The following RPL28 variants were observed in gnomAD, a reference collection of about 807,000 sequenced individuals.
RPL28 encodes the protein large ribosomal subunit protein eL28.
Under a neutral mutation model 12.5 loss-of-function variants are expected in RPL28, and 4 were observed. That is an observed-to-expected ratio of 0.32 (90% CI 0.16 to 0.73). The LOEUF is 0.73. Ranked by LOEUF, RPL28 falls within the 30% of genes least tolerant of loss-of-function variation. RPL28 has a pLI of 0.66. For missense variants in RPL28, 214 were observed against 197.7 expected (o/e 1.08, Z -0.49); for synonymous variants, 91 against 72.5 (o/e 1.26, Z -1.30).
At chr19:55,394,010 C>A (rs960555234), downstream of RPL28, among the ~76,000 whole-genome samples, 2 of 151,358 alleles carry the variant, frequency 1.3e-5, no homozygotes, top group Non-Finnish European at 2.9e-5. Context: ...CTCCTGTAAT[C>A]CCAGCACTTT....
Position 55,388,387 on chromosome 19 carries a change from G to A in RPL28, c.*55G>A. On this transcript the variant is annotated 3_prime_UTR_variant, in exon 5 of 5. Transcript: ENST00000344063. ...CTGGCTTTCTCACCTGCCTCGACTG[G>A]GCCTCCCTTTTTGAAACGCTCTGGG... The A allele has an allele frequency of 7.0e-7, 1 of 1,430,166 alleles. No individual in the cohort carries two copies. Among genetic ancestry groups the A allele is most frequent in the East Asian group, 2.7e-5 (1 of 37,360 alleles). 88.6% of individuals were successfully genotyped at this position (1,430,166 alleles called of 1,614,324 possible).
chr19:55,389,367 A>G lies in RPL28; in HGVS notation c.*1035A>G, dbSNP rs1317344068. 3.0e-6 allele frequency: 3 copies of G among 984,972 alleles called. No individual in the cohort carries two copies. The highest frequency in any genetic ancestry group is 4.7e-5 in the South Asian group (1 of 21,276). 61.0% of individuals were successfully genotyped at this position (984,972 alleles called of 1,614,324 possible). ...CACCATGACACACAGTGAGGCCTGG[A>G]TGGGGAAAGAGTCCTGCTGTTGATC... On this transcript the variant is annotated 3_prime_UTR_variant, in exon 5 of 5. Coordinates refer to ENST00000344063, the MANE Select transcript of RPL28 (RefSeq NM_000991.5).
chr19:55,395,703 A>G (rs1019538929), downstream of RPL28, among the ~76,000 whole-genome samples: 1 of 151,888 alleles, frequency 6.6e-6, no homozygotes, highest in Non-Finnish European at 1.5e-5. Flanking sequence ...TTGGCCTCCC[A>G]AAGTGCTGGG....
At position 55,402,928 on chromosome 19, in the gene RPL28, T is replaced by G. The variant is rs748675559; in HGVS notation, c.325-15T>G. The G allele has an allele frequency of 9.0e-6, 6 of 665,280 alleles. No individual in the cohort carries two copies. The South Asian group carries it at 9.4e-5, about 10-fold the overall frequency. The allele number at this position is 665,280 out of a possible 1,614,324, so 41.2% of individuals were successfully genotyped here. Reference sequence around the variant, plus strand: ...GGGACTCATTAGAAATTTGGTTAACTTTTTTTTTTTTCAGCTTGCGGGAAG... The same window carrying G: ...GGGACTCATTAGAAATTTGGTTAACGTTTTTTTTTTTCAGCTTGCGGGAAG... On this transcript the variant is annotated splice_polypyrimidine_tract_variant and intron_variant, in intron 4 of 4. Transcript: ENST00000560055.
Position 55,386,708 on chromosome 19 carries a change from G to GTTTGGGCCAGAGAGCGGCCCC in RPL28, c.205+19_205+39dup, listed in dbSNP as rs1569040021. 6.2e-7 allele frequency: 1 copy of GTTTGGGCCAGAGAGCGGCCCC among 1,614,022 alleles called. No individual in the cohort carries two copies. The highest frequency in any genetic ancestry group is 1.1e-5 in the South Asian group (1 of 91,078). On this transcript the variant is annotated intron_variant, in intron 3 of 4. Coordinates refer to ENST00000344063, the MANE Select transcript of RPL28 (RefSeq NM_000991.5). ...GCGGAGATCCGGTGAGTTTTGTCTG[G>GTTTGGGCCAGAGAGCGGCCCC]TTTGGGCCAGAGAGCGGCCCCTTTC...
rs748955099 is a variant in RPL28 at position 55,388,044 on chromosome 19, G to A, written c.320G>A (p.Arg107His). ...AAGAACAAGTACCGCCCCGACCTGC[G>A]CATGGTGAGCTGGGGTTTGGGGATC... ...IRKNKYRPDL[R>H]MAAIRRASAI... is the part of the protein sequence containing the mutation. The change falls in exon 4 of 5, where the codon CGC becomes CAC. Residue 107 changes from arginine (R) to histidine (H), a missense_variant. Physicochemically the swap from Arg to His is conservative, Grantham distance 29. Coordinates refer to ENST00000344063, the MANE Select transcript of RPL28 (RefSeq NM_000991.5). 5 of 1,613,688 alleles carry A rather than the reference G, an allele frequency of 3.1e-6. No homozygotes were observed. The highest frequency in any genetic ancestry group is 1.3e-5 in the African/African-American group (1 of 74,914).
chr19:55,388,747 TC>T lies in RPL28; in HGVS notation c.*418del, dbSNP rs1033356022. 3 of 1,013,206 alleles carry T rather than the reference TC, an allele frequency of 3.0e-6. No individual in the cohort carries two copies. The highest frequency in any genetic ancestry group is 3.5e-6 in the Non-Finnish European group (3 of 848,898). The allele number at this position is 1,013,206 out of a possible 1,614,324, so 62.8% of individuals were successfully genotyped here. A position where few individuals can be genotyped will look rare whatever the true frequency, so the allele number is the denominator to read the frequency against. On this transcript the variant is annotated 3_prime_UTR_variant, in exon 5 of 5. Coordinates refer to ENST00000344063, the MANE Select transcript of RPL28 (RefSeq NM_000991.5). ...AGCACGGTTTGGGGACTTGGGGTGTTCCCAAGACCTGGGGGACGACAGACAT... is the reference window on the plus strand; with the variant it reads ...AGCACGGTTTGGGGACTTGGGGTGTTCCAAGACCTGGGGGACGACAGACAT...
Position 55,387,278 on chromosome 19 carries a change from T to G in RPL28, c.205+585T>G, listed in dbSNP as rs2089940894. On this transcript the variant is annotated intron_variant, in intron 3 of 4. Coordinates refer to ENST00000344063, the MANE Select transcript of RPL28 (RefSeq NM_000991.5). ...GTGTTCTTGACAGGGCTGTATTTTC[T>G]TTTTAGAGTGAGTTTTTCTCAGGTC... 1.9e-6 allele frequency: 3 copies of G among 1,551,566 alleles called. No individual in the cohort carries two copies. The African/African-American group carries it at 4.1e-5, about 21-fold the overall frequency.
chr19:55,401,206 C>G, intron 4 of RPL28: 1 of 593,680 alleles, frequency 1.7e-6, no homozygotes, highest in Non-Finnish European at 3.0e-6. Context: ...GGACCCAGGG[C>G]CTGTGCAGGG....
chr19:55,386,644 G>T lies in RPL28; in HGVS notation c.156G>T (p.Glu52Asp). Reference protein sequence around the residue: ...GLIHRKTVGVEPAADGKGVVV... With the variant: ...GLIHRKTVGVDPAADGKGVVV... ...TTCACCGCAAGACTGTGGGCGTGGA[G>T]CCGGCAGCCGACGGCAAAGGTGTCG... The change falls in exon 3 of 5, where the codon GAG becomes GAT. Residue 52 changes from glutamate (E) to aspartate (D), a missense_variant. Physicochemically the swap from Glu to Asp is conservative, Grantham distance 45. Coordinates refer to ENST00000344063, the MANE Select transcript of RPL28 (RefSeq NM_000991.5). 1 of 1,614,152 alleles carries T rather than the reference G, an allele frequency of 6.2e-7. No homozygotes were observed. The highest frequency in any genetic ancestry group is 8.5e-7 in the Non-Finnish European group (1 of 1,180,018).
chr19:55,394,257 G>A (rs1014091641), downstream of RPL28, among the ~76,000 whole-genome samples: 4 of 152,096 alleles, frequency 2.6e-5, no homozygotes, highest in South Asian at 2.1e-4. Flanking sequence ...GCGAGACTCC[G>A]TCTCAAAAAC....
intron 1 of RPL28, 91 bp from the exon 2 acceptor site, chr19:55,386,259 T>C (rs2089923235): frequency 8.2e-7 from 1 of 1,220,888 alleles, no homozygotes; most frequent in Non-Finnish European, 1.2e-6. Flanking sequence ...TCCCAGTCGC[T>C]CTCTTCCTCT....
rs774805963 is a variant in RPL28, at chr19:55,387,951, C to T, written c.227C>T (p.Ser76Phe). ...CCAGGCCAGCGGAAGCCTGCCACCT[C>T]CTATGTGCGGACCACCATCAACAAG... The part of the protein sequence containing the change: ...RRSGQRKPAT[S>F]YVRTTINKNA... Residue 76 changes from serine (S) to phenylalanine (F), a missense_variant, in exon 4 of 5, where the codon TCC (serine) becomes TTC (phenylalanine). Physicochemically the swap from Ser to Phe is radical, Grantham distance 155. Coordinates refer to ENST00000344063, the MANE Select transcript of RPL28 (RefSeq NM_000991.5). 1.9e-6 allele frequency: 3 copies of T among 1,592,398 alleles called. No homozygotes were observed. The highest frequency in any genetic ancestry group is 1.3e-5 in the African/African-American group (1 of 74,628).
rs45583840 is a variant in RPL28 at position 55,390,825 on chromosome 19, G to A, written c.*2493G>A. 0.077 allele frequency: 76,033 copies of A among 985,424 alleles called. 3,221 individuals are homozygous for A. Among genetic ancestry groups the A allele is most frequent in the Non-Finnish European group, 0.085 (70,602 of 829,924 alleles). 61.0% of individuals were successfully genotyped at this position (985,424 alleles called of 1,614,324 possible). ...TGGTCTCAGCCCCACAGAGTTTGGAGTCCTCAGTGTGCTGAGCAAACGTGG... is the reference window on the plus strand; with the variant it reads ...TGGTCTCAGCCCCACAGAGTTTGGAATCCTCAGTGTGCTGAGCAAACGTGG... On this transcript the variant is annotated 3_prime_UTR_variant, in exon 5 of 5. Coordinates refer to ENST00000344063, the MANE Select transcript of RPL28 (RefSeq NM_000991.5).
intron 4 of RPL28, chr19:55,401,340 C>T (rs1156498325): frequency 2.0e-6 from 2 of 1,005,560 alleles, no homozygotes; most frequent in Non-Finnish European, 2.9e-6. Context: ...CCTGTACCCT[C>T]CCCGACCCCA....
Position 55,389,385 on chromosome 19 carries a change from T to C in RPL28, c.*1053T>C. 1.0e-6 allele frequency: 1 copy of C among 985,364 alleles called. No homozygotes were observed. The highest frequency in any genetic ancestry group is 1.2e-6 in the Non-Finnish European group (1 of 829,940). The allele number at this position is 985,364 out of a possible 1,614,324, so 61.0% of individuals were successfully genotyped here. On this transcript the variant is annotated 3_prime_UTR_variant, in exon 5 of 5. Coordinates refer to ENST00000344063, the MANE Select transcript of RPL28 (RefSeq NM_000991.5). Reference sequence around the variant, plus strand: ...GGCCTGGATGGGGAAAGAGTCCTGCTGTTGATCCTCACATGTTTCCTGGGC... The same window carrying C: ...GGCCTGGATGGGGAAAGAGTCCTGCCGTTGATCCTCACATGTTTCCTGGGC...
At chr19:55,395,029 G>A (rs562845274), downstream of RPL28, among the ~76,000 whole-genome samples, 24 of 152,162 alleles carry the variant, frequency 1.6e-4, no homozygotes, top group African/African-American at 4.8e-4. Flanking sequence ...TATATGCATC[G>A]AATGCCTCTG....
chr19:55,396,345 C>G (rs1006036491), downstream of RPL28, among the ~76,000 whole-genome samples: 2 of 151,204 alleles, frequency 1.3e-5, no homozygotes, highest in African/African-American at 4.9e-5. Flanking sequence ...TGTATTTATA[C>G]ACTTAAAAAA....
downstream of RPL28, among the ~76,000 whole-genome samples, chr19:55,393,239 G>A (rs1187975622): frequency 1.9e-5 from 2 of 104,886 alleles, no homozygotes; most frequent in Non-Finnish European, 3.5e-5. Flanking sequence ...TCCCTTGGCC[G>A]ACGCACCCCC....
Sources: gnomAD v4.1 joint callset for allele counts (sites outside exome capture counted in the v4.1 genomes callset) on GRCh38, gnomAD v4.1.1 for gene constraint, MANE v1.5 for transcripts, NCBI Gene and HGNC (gene_info 2026-07-23, HGNC 2026-07-21) for gene names.